Variants in IQCM observed in about 807,000 individuals in gnomAD.
The protein encoded by IQCM is IQ motif containing M.
Under a neutral mutation model 57.6 loss-of-function variants are expected in IQCM, and 45 were observed. The observed-to-expected ratio is 0.78, with a 90% CI of 0.62 to 1.00. IQCM has a LOEUF of 1.00. IQCM is among the 50% of genes least tolerant of loss of function. The pLI, the probability that IQCM is intolerant of heterozygous loss-of-function variation, is 0.00. For synonymous variants in IQCM, 148 were observed against 158.9 expected (o/e 0.93, Z 0.51); for missense variants, 468 against 511.6 (o/e 0.91, Z 0.82).
intron 12 of IQCM, among the ~76,000 whole-genome samples, chr4:149,534,763 T>C (rs562634181): frequency 6.6e-6 from 1 of 152,236 alleles, no homozygotes; most frequent in African/African-American, 2.4e-5. Flanking sequence ...CATGTTGATT[T>C]CAATATGAAA....
chr4:149,603,093 G>A (rs1453494554), intron 8 of IQCM, among the ~76,000 whole-genome samples: 1 of 151,906 alleles, frequency 6.6e-6, no homozygotes, highest in Admixed American at 6.6e-5. Context: ...CCATAAATAG[G>A]ATATTGCTGT....
At chr4:149,369,721 C>A (rs1228779712) in intron 13 of IQCM, among the ~76,000 whole-genome samples, 2 of 152,092 alleles carry the variant, frequency 1.3e-5, no homozygotes, top group Non-Finnish European at 2.9e-5. Context: ...CAATGAGAAA[C>A]AGCAAAGAAG....
chr4:149,497,671 A>G (rs1229287515), intron 12 of IQCM, among the ~76,000 whole-genome samples: 2 of 151,884 alleles, frequency 1.3e-5, no homozygotes, highest in Admixed American at 6.6e-5. Flanking sequence ...GAGTGGGGAC[A>G]GAGCCAAACC....
At chr4:149,472,600 TC>T (rs1339844549) in intron 12 of IQCM, among the ~76,000 whole-genome samples, 1 of 152,164 alleles carries the variant, frequency 6.6e-6, no homozygotes, top group Non-Finnish European at 1.5e-5. Flanking sequence ...ATGACTTTCT[TC>T]ACAGAATTGG....
At chr4:149,377,973 C>G (rs1342645891) in intron 13 of IQCM, among the ~76,000 whole-genome samples, 1 of 151,998 alleles carries the variant, frequency 6.6e-6, no homozygotes. Context: ...TGGGAGGGAC[C>G]AAGTGGGAGA....
intron 12 of IQCM, among the ~76,000 whole-genome samples, chr4:149,468,851 C>T (rs56260408): frequency 0.37 from 56,668 of 152,060 alleles, 11,692 homozygotes; most frequent in East Asian, 0.51. Context: ...GCTGGTGATA[C>T]CCAGGCAAAC....
intron 12 of IQCM, among the ~76,000 whole-genome samples, chr4:149,525,613 C>T (rs1746082655): frequency 6.6e-6 from 1 of 151,812 alleles, no homozygotes. Flanking sequence ...CTCACACCAC[C>T]TTCAGATATA....
intron 12 of IQCM, among the ~76,000 whole-genome samples, chr4:149,495,587 T>C (rs1742570005): frequency 6.6e-6 from 1 of 152,042 alleles, no homozygotes; most frequent in African/African-American, 2.4e-5. Flanking sequence ...AAAAGTACAG[T>C]AGAGTAAATA....
chr4:149,769,579 A>G (rs1770377594), intron 2 of IQCM, among the ~76,000 whole-genome samples: 1 of 152,094 alleles, frequency 6.6e-6, no homozygotes. Flanking sequence ...GTTTAAAAGT[A>G]AAAGGATAGA....
chr4:149,625,116 C>A (rs1756684728), intron 7 of IQCM, among the ~76,000 whole-genome samples: 2 of 152,194 alleles, frequency 1.3e-5, no homozygotes, highest in South Asian at 4.1e-4. Flanking sequence ...CAAATAGCAT[C>A]TTAATCATTT....
At chr4:149,510,226 C>T (rs1392693963) in intron 12 of IQCM, among the ~76,000 whole-genome samples, 1 of 152,056 alleles carries the variant, frequency 6.6e-6, no homozygotes, top group Non-Finnish European at 1.5e-5. Flanking sequence ...ATTTCTCTGG[C>T]TACTGGTAAG....
chr4:149,459,291 A>G (rs1004757911), intron 12 of IQCM, among the ~76,000 whole-genome samples: 4 of 152,256 alleles, frequency 2.6e-5, no homozygotes, highest in Admixed American at 2.0e-4. Flanking sequence ...TCTCTCAGCC[A>G]TTCACTTCTG....
chr4:149,660,634 A>G (rs1760100473), intron 7 of IQCM, among the ~76,000 whole-genome samples: 1 of 152,152 alleles, frequency 6.6e-6, no homozygotes, highest in Non-Finnish European at 1.5e-5. Flanking sequence ...CATATACACC[A>G]TGGAATACTA....
At chr4:149,443,997 T>A (rs1344971126) in intron 12 of IQCM, among the ~76,000 whole-genome samples, 3 of 151,908 alleles carry the variant, frequency 2.0e-5, no homozygotes, top group African/African-American at 7.2e-5. Context: ...GTTCCTAATT[T>A]GTAAAAGTAT....
intron 12 of IQCM, among the ~76,000 whole-genome samples, chr4:149,508,724 CT>C (rs1349186847): frequency 6.6e-6 from 1 of 152,070 alleles, no homozygotes; most frequent in Non-Finnish European, 1.5e-5. Context: ...TGAGTTAAGA[CT>C]TTGGGGGATT....
At chr4:149,759,364 A>T (rs1339283104) in intron 2 of IQCM, among the ~76,000 whole-genome samples, 4 of 152,168 alleles carry the variant, frequency 2.6e-5, no homozygotes, top group African/African-American at 9.7e-5. Flanking sequence ...AACCCATAGA[A>T]TGTATAACAC....
intron 2 of IQCM, among the ~76,000 whole-genome samples, chr4:149,793,006 C>T (rs1272022523): frequency 6.6e-6 from 1 of 152,214 alleles, no homozygotes; most frequent in Non-Finnish European, 1.5e-5. Context: ...ATATCCTTGA[C>T]TGGGCACCTG....
chr4:149,706,581 T>C (rs1026746286), intron 5 of IQCM, among the ~76,000 whole-genome samples: 1 of 152,024 alleles, frequency 6.6e-6, no homozygotes, highest in African/African-American at 2.4e-5. Flanking sequence ...GTTATTTTGA[T>C]AGCTAAGTAT....
intron 13 of IQCM, among the ~76,000 whole-genome samples, chr4:149,386,530 TATC>T: frequency 6.6e-6 from 1 of 152,188 alleles, no homozygotes; most frequent in South Asian, 2.1e-4. Context: ...CAATTGTCAT[TATC>T]ATAACTAACA....
Sources: gnomAD v4.1 joint callset for allele counts (sites outside exome capture counted in the v4.1 genomes callset) on GRCh38, gnomAD v4.1.1 for gene constraint, MANE v1.5 for transcripts, NCBI Gene and HGNC (gene_info 2026-07-23, HGNC 2026-07-21) for gene names.